The following RMND1 variants were observed in gnomAD, a reference collection of about 807,000 sequenced individuals.
RMND1 encodes required for meiotic nuclear division protein 1 homolog.
Under a neutral mutation model 54.0 loss-of-function variants are expected in RMND1, and 41 were observed. That is an observed-to-expected ratio of 0.76 (90% CI 0.59 to 0.98). RMND1 has a LOEUF of 0.98. Ranked by LOEUF, RMND1 falls within the 50% of genes least tolerant of loss-of-function variation. The pLI, the probability that RMND1 is intolerant of heterozygous loss-of-function variation, is 0.00. For synonymous variants in RMND1, 183 were observed against 181.7 expected (o/e 1.01, Z -0.06); for missense variants, 457 against 532.0 (o/e 0.86, Z 1.39).
At position 151,430,127 on chromosome 6, in the gene RMND1, T is replaced by G. The variant is rs1780411964; in HGVS notation, c.729+11A>C. 1 of 1,574,346 alleles carries G rather than the reference T, an allele frequency of 6.4e-7. No individual in the cohort carries two copies. The highest frequency in any genetic ancestry group is 1.4e-5 in the African/African-American group (1 of 73,768). Reference sequence around the variant, plus strand: ...AAATTTTTATATTTTCACATTTTTATTTACACTTACAGTTTTGTCTTTCAC... The same window carrying G: ...AAATTTTTATATTTTCACATTTTTAGTTACACTTACAGTTTTGTCTTTCAC... On this transcript the variant is annotated intron_variant, in intron 5 of 11. Coordinates refer to ENST00000444024, the MANE Select transcript of RMND1 (RefSeq NM_017909.4).
At chr6:151,442,373 A>G (rs755810383) in intron 2 of RMND1, among the ~76,000 whole-genome samples, 7 of 152,200 alleles carry the variant, frequency 4.6e-5, no homozygotes, top group Non-Finnish European at 8.8e-5. Flanking sequence ...ATTTTTCAAA[A>G]AAATGGTTAA....
chr6:151,439,380 G>C (rs1338443587), intron 2 of RMND1, among the ~76,000 whole-genome samples: 1 of 152,178 alleles, frequency 6.6e-6, no homozygotes, highest in Non-Finnish European at 1.5e-5. Context: ...AGCATAAAAA[G>C]CTTATGCATG....
At chr6:151,450,392 C>T (rs1341643136) in intron 1 of RMND1, among the ~76,000 whole-genome samples, 2 of 143,280 alleles carry the variant, frequency 1.4e-5, no homozygotes, top group Non-Finnish European at 3.0e-5. Context: ...CCACCCCATC[C>T]GGGAGGGAGG....
chr6:151,441,379 G>A (rs1455814298), intron 2 of RMND1, among the ~76,000 whole-genome samples: 5 of 152,110 alleles, frequency 3.3e-5, no homozygotes, highest in African/African-American at 1.2e-4. Context: ...TGTAGTATTT[G>A]CTCTTTGCCT....
chr6:151,426,871 G>A (rs148320488), intron 6 of RMND1, among the ~76,000 whole-genome samples: 17,507 of 151,884 alleles, frequency 0.12, 1,038 homozygotes, highest in Middle Eastern at 0.18. Flanking sequence ...CCAGGTTCAA[G>A]CAATTCTCCT....
intron 10 of RMND1, among the ~76,000 whole-genome samples, chr6:151,412,420 G>A (rs1249440092): frequency 1.3e-5 from 2 of 152,010 alleles, no homozygotes; most frequent in Non-Finnish European, 2.9e-5. Flanking sequence ...GCCTCCCAAA[G>A]GGCTAGGATT....
At chr6:151,412,198 C>T (rs1779863364) in intron 10 of RMND1, among the ~76,000 whole-genome samples, 1 of 152,204 alleles carries the variant, frequency 6.6e-6, no homozygotes, top group Non-Finnish European at 1.5e-5. Context: ...GACAGGGTTT[C>T]ACCATGTTAG....
At chr6:151,405,336 G>T in intron 11 of RMND1, 69 bp from the exon 12 acceptor site, 1 of 1,394,528 alleles carries the variant, frequency 7.2e-7, no homozygotes, top group Non-Finnish European at 1.0e-6. Flanking sequence ...TGACTTCCAA[G>T]ATTGTGATTA....
chr6:151,423,161 T>A (rs1337098766), intron 7 of RMND1, among the ~76,000 whole-genome samples: 1 of 152,222 alleles, frequency 6.6e-6, no homozygotes, highest in Non-Finnish European at 1.5e-5. Flanking sequence ...CACTAGAGTA[T>A]GTTTTTCTAC....
chr6:151,424,951 C>CTT (rs1049763308), intron 6 of RMND1, among the ~76,000 whole-genome samples: 1 of 151,186 alleles, frequency 6.6e-6, no homozygotes, highest in Non-Finnish European at 1.5e-5. Context: ...CACAAGAGGT[C>CTT]TTTTTTTTTG....
chr6:151,412,372 G>C (rs1485723884), intron 10 of RMND1, among the ~76,000 whole-genome samples: 2 of 151,644 alleles, frequency 1.3e-5, no homozygotes, highest in Admixed American at 6.6e-5. Flanking sequence ...GACCAGGCTG[G>C]TCTTGAACTC....
At chr6:151,444,203 A>G (rs1034099131) in intron 2 of RMND1, among the ~76,000 whole-genome samples, 1 of 152,212 alleles carries the variant, frequency 6.6e-6, no homozygotes, top group Admixed American at 6.5e-5. Flanking sequence ...AAGTGAGTTG[A>G]GCTTTCTCTT....
chr6:151,435,672 G>A (rs956443064), intron 3 of RMND1, among the ~76,000 whole-genome samples: 3 of 150,168 alleles, frequency 2.0e-5, no homozygotes, highest in Non-Finnish European at 4.4e-5. Context: ...TGCCCGCCTC[G>A]GCCTCCCAAA....
intron 2 of RMND1, among the ~76,000 whole-genome samples, chr6:151,443,136 C>T (rs1409982987): frequency 6.6e-6 from 1 of 152,038 alleles, no homozygotes; most frequent in Non-Finnish European, 1.5e-5. Flanking sequence ...AAGGGTTTAC[C>T]ACTATGATGG....
In RMND1 at chr6:151,405,145, C is replaced by G. The variant is rs1779565089; in HGVS notation, c.*90G>C. On this transcript the variant is annotated 3_prime_UTR_variant, in exon 12 of 12. Transcript: ENST00000444024. Reference sequence around the variant, plus strand: ...TTGGCCTCCGAAAGTGCTGGGATTACAGGCATGAGGCACCGCGCCGGGCCG... The same window carrying G: ...TTGGCCTCCGAAAGTGCTGGGATTAGAGGCATGAGGCACCGCGCCGGGCCG... 2.6e-6 allele frequency: 3 copies of G among 1,158,750 alleles called. No individual in the cohort carries two copies. Among genetic ancestry groups the G allele is most frequent in the Non-Finnish European group, 3.9e-6 (3 of 776,502 alleles). The allele number at this position is 1,158,750 out of a possible 1,614,324, so 71.8% of individuals were successfully genotyped here. A position where few individuals can be genotyped will look rare whatever the true frequency, so the allele number is the denominator to read the frequency against.
intron 9 of RMND1, among the ~76,000 whole-genome samples, chr6:151,419,850 C>A (rs1041708465): frequency 6.6e-6 from 1 of 152,050 alleles, no homozygotes; most frequent in African/African-American, 2.4e-5. Flanking sequence ...ACTTCCAGAT[C>A]TTTCTGTATT....
At chr6:151,413,562 C>G (rs1016835260) in intron 10 of RMND1, among the ~76,000 whole-genome samples, 3 of 152,168 alleles carry the variant, frequency 2.0e-5, no homozygotes, top group Non-Finnish European at 4.4e-5. Context: ...TTCAGTCCAC[C>G]AAGTTTTGGG....
chr6:151,446,549 C>A (rs1780959692), intron 1 of RMND1, among the ~76,000 whole-genome samples: 1 of 152,100 alleles, frequency 6.6e-6, no homozygotes, highest in Non-Finnish European at 1.5e-5. Flanking sequence ...CATGAACATT[C>A]CAGACAAGGT....
Position 151,449,662 on chromosome 6 carries a change from CGGTCCCCCTCTCCCCA to C in RMND1, c.-15+2338_-15+2353del, listed in dbSNP as rs1562803378. Among the ~76,000 whole-genome samples, 8 of 148,606 alleles carry C rather than the reference CGGTCCCCCTCTCCCCA, an allele frequency of 5.4e-5. No homozygotes were observed. The East Asian group carries it at 7.8e-4, about 14-fold the overall frequency. ...CCTCTCCCTCCTCTCCCTCTCCCCACGGTCCCCCTCTCCCCACGGTCTCCCTCTGATGCCGAGCCGA... is the reference window on the plus strand; with the variant it reads ...CCTCTCCCTCCTCTCCCTCTCCCCACCGGTCTCCCTCTGATGCCGAGCCGA... On this transcript the variant is annotated intron_variant, in intron 1 of 11. Coordinates refer to ENST00000444024, the MANE Select transcript of RMND1 (RefSeq NM_017909.4).
Sources: gnomAD v4.1 joint callset for allele counts (sites outside exome capture counted in the v4.1 genomes callset) on GRCh38, gnomAD v4.1.1 for gene constraint, MANE v1.5 for transcripts, NCBI Gene and HGNC (gene_info 2026-07-23, HGNC 2026-07-21) for gene names.